MYO5B: variants seen among roughly 807,000 people sequenced by gnomAD.
The protein encoded by MYO5B is myosin VB.
A neutral mutation model predicts 229.3 loss-of-function variants in MYO5B; 143 were observed. The observed-to-expected ratio is 0.62, with a 90% CI of 0.54 to 0.72. The LOEUF is 0.72. Ranked by LOEUF, MYO5B falls within the 30% of genes least tolerant of loss-of-function variation. The pLI, the probability that MYO5B is intolerant of heterozygous loss-of-function variation, is 0.00. For missense variants in MYO5B, 2,321 were observed against 2,331.0 expected (o/e 1.00, Z 0.09); for synonymous variants, 918 against 885.2 (o/e 1.04, Z -0.66).
intron 31 of MYO5B, among the ~76,000 whole-genome samples, chr18:49,851,460 A>G (rs572847550): frequency 6.6e-6 from 1 of 152,358 alleles, no homozygotes; most frequent in Non-Finnish European, 1.5e-5. Flanking sequence ...TGAAATCAAC[A>G]AATTTAGAAC....
chr18:50,050,330 A>G (rs570098363), intron 2 of MYO5B, among the ~76,000 whole-genome samples: 35 of 152,298 alleles, frequency 2.3e-4, no homozygotes, highest in African/African-American at 8.2e-4. Flanking sequence ...CACTGAGTAC[A>G]CAAGGGCTCT....
chr18:49,985,263 GAC>G (rs1400217053), intron 7 of MYO5B, among the ~76,000 whole-genome samples: 1 of 152,188 alleles, frequency 6.6e-6, no homozygotes, highest in Non-Finnish European at 1.5e-5. Flanking sequence ...TGCCCGAGGT[GAC>G]AGTTTTTTTG....
At chr18:49,870,177 A>G (rs1398561122) in intron 27 of MYO5B, among the ~76,000 whole-genome samples, 3 of 152,212 alleles carry the variant, frequency 2.0e-5, no homozygotes, top group Non-Finnish European at 4.4e-5. Flanking sequence ...ACACCCTCCT[A>G]TGCCATCTGT....
chr18:50,140,531 T>C (rs762496707), intron 1 of MYO5B, among the ~76,000 whole-genome samples: 2 of 152,204 alleles, frequency 1.3e-5, no homozygotes, highest in Non-Finnish European at 2.9e-5. Flanking sequence ...ACACCCGCTA[T>C]AGGAAGAAAA....
At position 49,864,152 on chromosome 18, in the gene MYO5B, C is replaced by T. The variant is rs771531830; in HGVS notation, c.3832G>A (p.Gly1278Ser). Residue 1278 changes from glycine (G) to serine (S), a missense_variant, in exon 28 of 40, where the codon GGC becomes AGC. By Grantham distance (56) the Gly-to-Ser change is moderately conservative. Transcript: ENST00000285039. ...IVSADQRRLA[G>S]RNAEPNINAR... ...CGCCATCTTGTTACCGCGTTCCTGC[C>T]GGCGAGTCGCCGCTGGTCGGCGCTC... The T allele has an allele frequency of 4.3e-6, 7 of 1,609,336 alleles. No homozygotes were observed. In the East Asian group the frequency reaches 8.9e-5, roughly 20 times the overall value.
intron 14 of MYO5B, among the ~76,000 whole-genome samples, chr18:49,942,794 G>T (rs1293385379): frequency 6.6e-6 from 1 of 152,132 alleles, no homozygotes; most frequent in Non-Finnish European, 1.5e-5. Flanking sequence ...AACCATTGTG[G>T]AAGTTGGTGT....
intron 4 of MYO5B, among the ~76,000 whole-genome samples, chr18:50,025,271 T>G (rs1417390798): frequency 1.3e-5 from 2 of 152,194 alleles, no homozygotes; most frequent in Non-Finnish European, 2.9e-5. Context: ...GACCTGCATA[T>G]CAGTGATACT....
intron 1 of MYO5B, among the ~76,000 whole-genome samples, chr18:50,082,979 A>AAGATC (rs1448493454): frequency 6.6e-6 from 1 of 152,186 alleles, no homozygotes; most frequent in Non-Finnish European, 1.5e-5. Flanking sequence ...CCAGTTCCAC[A>AAGATC]AGATCATACC....
At chr18:50,032,759 G>T (rs1341903774) in intron 4 of MYO5B, among the ~76,000 whole-genome samples, 2 of 152,212 alleles carry the variant, frequency 1.3e-5, no homozygotes, top group Non-Finnish European at 2.9e-5. Flanking sequence ...GCCAAGGCGG[G>T]TGGATCACCT....
intron 1 of MYO5B, among the ~76,000 whole-genome samples, chr18:50,061,199 G>A (rs995173124): frequency 3.3e-5 from 5 of 152,174 alleles, no homozygotes; most frequent in Admixed American, 6.5e-5. Flanking sequence ...CTTCGGAGAG[G>A]AATTCTAACC....
At chr18:50,077,168 T>TAAAAAAAAAAAAAAAAAAAAAAA (rs71169476) in intron 1 of MYO5B, among the ~76,000 whole-genome samples, 1 of 81,232 alleles carries the variant, frequency 1.2e-5, no homozygotes, top group Non-Finnish European at 2.3e-5. Flanking sequence ...TGTGGCAAAG[T>TAAAAAAAAAAAAAAAAAAAAAAA]AAAAAAAAAA....
intron 1 of MYO5B, among the ~76,000 whole-genome samples, chr18:50,085,393 A>G (rs2031309130): frequency 6.6e-6 from 1 of 152,056 alleles, no homozygotes; most frequent in African/African-American, 2.4e-5. Context: ...TAGAACGGCG[A>G]ACATTAAAAA....
chr18:50,017,824 G>A (rs2026231924), intron 4 of MYO5B, among the ~76,000 whole-genome samples: 3 of 152,320 alleles, frequency 2.0e-5, no homozygotes, highest in South Asian at 4.1e-4. Flanking sequence ...GTGATACCAT[G>A]TAATACCATT....
At chr18:50,105,065 G>A (rs1198661740) in intron 1 of MYO5B, among the ~76,000 whole-genome samples, 2 of 151,594 alleles carry the variant, frequency 1.3e-5, no homozygotes, top group African/African-American at 2.4e-5. Flanking sequence ...GGAGTTTTAG[G>A]AGAATGGTTT....
chr18:50,116,072 G>A (rs186898906), intron 1 of MYO5B, among the ~76,000 whole-genome samples: 157 of 152,274 alleles, frequency 1.0e-3, no homozygotes, highest in Non-Finnish European at 2.0e-3. Context: ...TTTCCTAAAA[G>A]AAGGTTTAAA....
intron 1 of MYO5B, among the ~76,000 whole-genome samples, chr18:50,127,205 C>A (rs911309421): frequency 6.6e-6 from 1 of 152,182 alleles, no homozygotes; most frequent in African/African-American, 2.4e-5. Context: ...AATTCAAAAG[C>A]ATTTGATGAA....
chr18:50,121,415 A>G (rs1304819068), intron 1 of MYO5B, among the ~76,000 whole-genome samples: 1 of 152,218 alleles, frequency 6.6e-6, no homozygotes, highest in Non-Finnish European at 1.5e-5. Flanking sequence ...AGTCTTGTGT[A>G]TGTCTTTCTA....
At chr18:50,055,116 A>T in intron 2 of MYO5B, 152 bp downstream of exon 2, 1 of 651,188 alleles carries the variant, frequency 1.5e-6, no homozygotes, top group South Asian at 1.8e-5. Context: ...TTTCACATAC[A>T]TCAATAGCAA....
chr18:50,146,970 C>A (rs745937592), intron 1 of MYO5B, among the ~76,000 whole-genome samples: 2 of 152,128 alleles, frequency 1.3e-5, no homozygotes, highest in Non-Finnish European at 2.9e-5. Context: ...TCCAATCGCC[C>A]ACATAAATTC....
Sources: gnomAD v4.1 joint callset for allele counts (sites outside exome capture counted in the v4.1 genomes callset) on GRCh38, gnomAD v4.1.1 for gene constraint, MANE v1.5 for transcripts, NCBI Gene and HGNC (gene_info 2026-07-23, HGNC 2026-07-21) for gene names.